The following SLC2A10 variants were observed in gnomAD, a reference collection of about 807,000 sequenced individuals.
SLC2A10 encodes the protein solute carrier family 2 member 10, also known as solute carrier family 2, facilitated glucose transporter member 10.
Under a neutral mutation model 32.1 loss-of-function variants are expected in SLC2A10, and 25 were observed. That is an observed-to-expected ratio of 0.78 (90% CI 0.57 to 1.09). SLC2A10 has a LOEUF of 1.09. Among genes scored for constraint, SLC2A10 ranks in the 50% least tolerant of loss-of-function variants. The probability of loss-of-function intolerance (pLI) is 0.00; values close to 1 mark genes in which losing one functional copy is unlikely to be tolerated. For synonymous variants in SLC2A10, 332 were observed against 309.6 expected (o/e 1.07, Z -0.76); for missense variants, 673 against 686.5 (o/e 0.98, Z 0.22).
At chr20:46,724,799 AGATGGAAGGATG>A (rs1431126356) in intron 1 of SLC2A10, among the ~76,000 whole-genome samples, 3 of 122,460 alleles carry the variant, frequency 2.4e-5, no homozygotes, top group African/African-American at 9.6e-5. Flanking sequence ...ATGGATGGAC[AGATGGAAGGATG>A]GATGGATGGA....
Position 46,726,276 on chromosome 20 carries a change from C to T in SLC2A10, c.1240C>T (p.Leu414=). The T allele has an allele frequency of 6.2e-7, 1 of 1,612,808 alleles. No individual in the cohort carries two copies. Among genetic ancestry groups the T allele is most frequent in the East Asian group, 2.2e-5 (1 of 44,888 alleles). ...TGCACTGCTGCGCTGGACCGCACTG[C>T]TGTGCCTGATGGTCTTTGTCAGTGC... ...GHALLRWTAL[L]CLMVFVSAFS... is the part of the protein sequence containing the mutation. Residue 414 remains leucine (L), a synonymous_variant, in exon 2 of 5, where the codon CTG becomes TTG. Transcript: ENST00000359271.
intron 1 of SLC2A10, among the ~76,000 whole-genome samples, chr20:46,714,267 G>C (rs1979095200): frequency 2.0e-5 from 3 of 152,176 alleles, no homozygotes; most frequent in African/African-American, 4.8e-5. Flanking sequence ...CACTGGCCCA[G>C]GTTCACCCAC....
In SLC2A10 at chr20:46,736,332, T is replaced by C. The variant is rs1980566921; in HGVS notation, c.*2498T>C. 6.6e-6 allele frequency: 1 copy of C among 152,164 alleles called. No homozygotes were observed. The highest frequency in any genetic ancestry group is 6.5e-5 in the Admixed American group (1 of 15,280). 9.4% of individuals were successfully genotyped at this position (152,164 alleles called of 1,614,324 possible). A position where few individuals can be genotyped will look rare whatever the true frequency, so the allele number is the denominator to read the frequency against. ...TAAAGAGTATTTACAATAAAGAGTT[T>C]GTTATTATTTGTAAATTGTGTGCAA... On this transcript the variant is annotated 3_prime_UTR_variant, in exon 5 of 5. Coordinates refer to ENST00000359271, the MANE Select transcript of SLC2A10 (RefSeq NM_030777.4).
intron 1 of SLC2A10, among the ~76,000 whole-genome samples, chr20:46,722,422 T>C (rs1483041000): frequency 1.3e-5 from 2 of 152,234 alleles, no homozygotes; most frequent in Admixed American, 6.5e-5. Context: ...TCTTAATATA[T>C]CAAGCTTTTA....
At chr20:46,718,357 T>C (rs1042735201) in intron 1 of SLC2A10, among the ~76,000 whole-genome samples, 2 of 152,244 alleles carry the variant, frequency 1.3e-5, no homozygotes, top group African/African-American at 4.8e-5. Flanking sequence ...TCTGTTTTCT[T>C]ATCCATGTCA....
upstream of SLC2A10, among the ~76,000 whole-genome samples, chr20:46,708,818 ACT>A (rs1270602988): frequency 6.6e-6 from 1 of 151,800 alleles, no homozygotes; most frequent in Non-Finnish European, 1.5e-5. Flanking sequence ...TGCTCCAGAC[ACT>A]CTGGCTTCAT....
intron 1 of SLC2A10, among the ~76,000 whole-genome samples, chr20:46,724,405 G>C (rs751589091): frequency 2.0e-5 from 3 of 152,072 alleles, no homozygotes; most frequent in Non-Finnish European, 4.4e-5. Flanking sequence ...TGGATGAATG[G>C]ATGGATTTGT....
At chr20:46,708,507 A>G (rs1471941695), upstream of SLC2A10, among the ~76,000 whole-genome samples, 2 of 152,130 alleles carry the variant, frequency 1.3e-5, no homozygotes, top group Non-Finnish European at 2.9e-5. Context: ...GCCAAGACAG[A>G]ACTCTGGATC....
intron 1 of SLC2A10, chr20:46,710,262 G>T (rs928159098): frequency 1.0e-5 from 4 of 389,056 alleles, no homozygotes; most frequent in African/African-American, 2.1e-5. Context: ...GGTGGGACGC[G>T]TGGGGAATGG....
At chr20:46,709,768 G>A in intron 1 of SLC2A10, 28 bp downstream of exon 1, 4 of 1,547,196 alleles carry the variant, frequency 2.6e-6, no homozygotes, top group Non-Finnish European at 3.5e-6. Flanking sequence ...GCTGCCTGCT[G>A]GAAGCCCGAC....
chr20:46,718,254 T>C (rs1600660695), intron 1 of SLC2A10, among the ~76,000 whole-genome samples: 2 of 152,280 alleles, frequency 1.3e-5, no homozygotes, highest in Admixed American at 1.3e-4. Flanking sequence ...TTGAGCTTTC[T>C]TTTTCCTGTG....
At chr20:46,726,672 T>G (rs555633919) in intron 2 of SLC2A10, among the ~76,000 whole-genome samples, 192 bp from the exon 3 acceptor site, 2 of 152,284 alleles carry the variant, frequency 1.3e-5, no homozygotes, top group East Asian at 3.9e-4. Context: ...AAGTCTCATG[T>G]CTCAGAAAAC....
chr20:46,733,811 A>G lies in SLC2A10; in HGVS notation c.1603A>G (p.Ile535Val), dbSNP rs754490709. ...QNSTGIPYSR[I>V]EISAAS ...CTCCACTGGCATCCCGTACAGCCGC[A>G]TCGAGATCTCTGCGGCCTCCTGAGG... Residue 535 changes from isoleucine to valine, a missense_variant, in exon 5 of 5, where the codon ATC becomes GTC. Coordinates refer to ENST00000359271, the MANE Select transcript of SLC2A10 (RefSeq NM_030777.4). 6.2e-7 allele frequency: 1 copy of G among 1,614,156 alleles called. No individual in the cohort carries two copies. Among genetic ancestry groups the G allele is most frequent in the Non-Finnish European group, 8.5e-7 (1 of 1,180,024 alleles).
rs1257449274 is a variant in SLC2A10, at chr20:46,732,913, G to A, written c.1548-843G>A. Among the ~76,000 whole-genome samples, 7 of 152,150 alleles carry A rather than the reference G, an allele frequency of 4.6e-5. No homozygotes were observed. In the South Asian group the frequency reaches 1.2e-3, roughly 27 times the overall value. On this transcript the variant is annotated intron_variant, in intron 4 of 4. Transcript: ENST00000359271. The stretch of plus-strand genomic sequence containing the variant: ...GAGGGAACAGCAAGAGCAAAGGCCC[G>A]GAGGTGGAAACAAGTTAGGAGTTTT...
chr20:46,711,738 TG>T (rs1315699894), intron 1 of SLC2A10, among the ~76,000 whole-genome samples: 4 of 152,146 alleles, frequency 2.6e-5, no homozygotes, highest in African/African-American at 7.2e-5. Context: ...TTATAGCCTC[TG>T]GGGGCAGAAC....
At chr20:46,724,627 TTGGATGGATGGATGGATGGATGGA>T (rs112083429) in intron 1 of SLC2A10, among the ~76,000 whole-genome samples, 2 of 134,854 alleles carry the variant, frequency 1.5e-5, no homozygotes, top group Non-Finnish European at 3.2e-5. Context: ...TGGATGGTGG[TTGGATGGATGGATGGATGGATGGA>T]TGGATGGATG....
rs1420288092 is a variant in SLC2A10, at chr20:46,709,902, G to T, written c.4+162G>T. On this transcript the variant is annotated intron_variant, in intron 1 of 4. Coordinates refer to ENST00000359271, the MANE Select transcript of SLC2A10 (RefSeq NM_030777.4). ...GCCAGCCCGAGACTGCAGGCCTGCG[G>T]CGGGGGCTGGGACGGGGCTCGGTCG... is the stretch of plus-strand genomic sequence containing the variant. 6.7e-6 allele frequency: 5 copies of T among 750,898 alleles called. No homozygotes were observed. In the African/African-American group the frequency reaches 9.2e-5, roughly 14 times the overall value. The allele number at this position is 750,898 out of a possible 1,614,324, so 46.5% of individuals were successfully genotyped here. A position where few individuals can be genotyped will look rare whatever the true frequency, so the allele number is the denominator to read the frequency against.
At chr20:46,709,838 C>T in intron 1 of SLC2A10, 98 bp downstream of exon 1, 1 of 1,408,066 alleles carries the variant, frequency 7.1e-7, no homozygotes, top group Non-Finnish European at 9.8e-7. Context: ...CCCCCTGGCT[C>T]CCCCAGGGCC....
chr20:46,727,048 G>A, intron 3 of SLC2A10, 62 bp downstream of exon 3: 1 of 1,609,770 alleles, frequency 6.2e-7, no homozygotes, highest in Non-Finnish European at 8.5e-7. Context: ...CTCTAAAGCA[G>A]AAATTTTTGG....
Sources: gnomAD v4.1 joint callset for allele counts (sites outside exome capture counted in the v4.1 genomes callset) on GRCh38, gnomAD v4.1.1 for gene constraint, MANE v1.5 for transcripts, NCBI Gene and HGNC (gene_info 2026-07-23, HGNC 2026-07-21) for gene names.